The following SHTN1 variants were observed in gnomAD, a reference collection of about 807,000 sequenced individuals.
SHTN1 encodes the protein shootin 1.
SHTN1 carries 42 observed loss-of-function variants against 83.1 expected under a neutral mutation model. The observed-to-expected ratio is 0.51, with a 90% CI of 0.39 to 0.65. The LOEUF is 0.65. SHTN1 is among the 30% of genes least tolerant of loss of function. SHTN1 has a pLI of 0.00. For missense variants in SHTN1, 622 were observed against 737.8 expected, an observed-to-expected ratio of 0.84 and a Z score of 1.82; for synonymous variants, 224 against 247.7, an observed-to-expected ratio of 0.90 and a Z score of 0.90.
intron 9 of SHTN1, among the ~76,000 whole-genome samples, chr10:116,935,026 CT>C (rs1303691764): frequency 6.6e-6 from 1 of 152,178 alleles, no homozygotes; most frequent in African/African-American, 2.4e-5. Flanking sequence ...TATCCTGAGA[CT>C]TTGCTGAAGT....
chr10:117,051,050 C>T (rs911375428), intron 1 of SHTN1, among the ~76,000 whole-genome samples: 3 of 151,878 alleles, frequency 2.0e-5, no homozygotes, highest in Non-Finnish European at 4.4e-5. Context: ...GAGTGAGATC[C>T]TGTCTCAAAA....
upstream of SHTN1, among the ~76,000 whole-genome samples, chr10:117,008,242 T>C (rs976310595): frequency 1.3e-5 from 2 of 151,822 alleles, no homozygotes; most frequent in Non-Finnish European, 2.9e-5. Context: ...AGGACCAAGG[T>C]GTGGGGGTTG....
chr10:117,109,934 T>G (rs1025962160), intron 1 of SHTN1, among the ~76,000 whole-genome samples: 1 of 152,170 alleles, frequency 6.6e-6, no homozygotes, highest in Non-Finnish European at 1.5e-5. Flanking sequence ...ATCTTATAAT[T>G]ATCTGTCTCT....
chr10:117,052,282 C>A (rs1425530702), intron 1 of SHTN1, among the ~76,000 whole-genome samples: 4 of 151,024 alleles, frequency 2.6e-5, no homozygotes, highest in Non-Finnish European at 3.0e-5. Context: ...ATTTTAAAAC[C>A]TAAATAAATG....
At chr10:116,898,145 T>C (rs894069588) in intron 16 of SHTN1, among the ~76,000 whole-genome samples, 5 of 151,994 alleles carry the variant, frequency 3.3e-5, no homozygotes, top group Non-Finnish European at 5.9e-5. Context: ...CTGACCAACA[T>C]AGTGAAACCG....
chr10:117,088,492 T>C (rs985835773), intron 1 of SHTN1, among the ~76,000 whole-genome samples: 1 of 152,208 alleles, frequency 6.6e-6, no homozygotes, highest in African/African-American at 2.4e-5. Flanking sequence ...CATGAAAATA[T>C]CAGTGTGTCC....
chr10:117,126,432 T>A, exon 1 of SHTN1: 1 of 226,326 alleles, frequency 4.4e-6, no homozygotes, highest in Admixed American at 5.1e-5. Context: ...CCTGCCTCCT[T>A]TCTAGCCCTA....
At chr10:116,888,892 A>G (rs1847247308) in intron 16 of SHTN1, among the ~76,000 whole-genome samples, 1 of 152,196 alleles carries the variant, frequency 6.6e-6, no homozygotes. Context: ...AGGTGAGGAG[A>G]TTCTAGGAAA....
intron 2 of SHTN1, among the ~76,000 whole-genome samples, chr10:117,038,126 T>A (rs1852528817): frequency 6.6e-6 from 1 of 151,334 alleles, no homozygotes; most frequent in African/African-American, 2.4e-5. Context: ...TGAGCTTGGG[T>A]TTGGAGATGA....
intron 16 of SHTN1, among the ~76,000 whole-genome samples, chr10:116,893,579 C>CACACACACACACACACACAT (rs1287595303): frequency 6.6e-5 from 10 of 150,448 alleles, no homozygotes; most frequent in African/African-American, 1.5e-4. Context: ...CTCATGTGCA[C>CACACACACACACACACACAT]ACACACACAC....
chr10:117,038,462 A>T (rs1482071021), intron 2 of SHTN1, among the ~76,000 whole-genome samples: 1 of 152,004 alleles, frequency 6.6e-6, no homozygotes, highest in South Asian at 2.1e-4. Flanking sequence ...TAGATACAAA[A>T]CCAAAGGCAT....
At chr10:116,971,496 A>C (rs1462952419) in intron 2 of SHTN1, among the ~76,000 whole-genome samples, 1 of 152,148 alleles carries the variant, frequency 6.6e-6, no homozygotes, top group Non-Finnish European at 1.5e-5. Context: ...CCTTAATGAT[A>C]GGAGACTTCT....
At chr10:117,056,682 G>A (rs765973320) in intron 1 of SHTN1, among the ~76,000 whole-genome samples, 31 of 152,032 alleles carry the variant, frequency 2.0e-4, no homozygotes, top group African/African-American at 6.3e-4. Context: ...ATGGTGGTAC[G>A]TGCCTGTAGT....
Position 116,980,057 on chromosome 10 carries a change from T to C in SHTN1, c.59-749A>G, listed in dbSNP as rs1850960784. On this transcript the variant is annotated intron_variant, in intron 1 of 16. Coordinates refer to ENST00000355371, the MANE Select transcript of SHTN1 (RefSeq NM_001127211.3). ...AAAGTTGTGTACTTAAAATCGTTTATTGCCCCTGCCCAGAAAAAAAAAACG... is the reference window on the plus strand; with the variant it reads ...AAAGTTGTGTACTTAAAATCGTTTACTGCCCCTGCCCAGAAAAAAAAAACG... 2.0e-5 allele frequency among the ~76,000 whole-genome samples: 3 copies of C among 150,308 alleles called. No individual in the cohort carries two copies. The Admixed American group carries it at 2.0e-4, about 10-fold the overall frequency.
intron 6 of SHTN1, among the ~76,000 whole-genome samples, 162 bp from the exon 7 acceptor site, chr10:116,949,159 T>C (rs1849688756): frequency 6.6e-6 from 1 of 152,198 alleles, no homozygotes; most frequent in Admixed American, 6.5e-5. Context: ...AGCTCTTCTT[T>C]AAAGCTTCAA....
chr10:116,898,041 A>G (rs1847583193), intron 16 of SHTN1, among the ~76,000 whole-genome samples: 1 of 152,152 alleles, frequency 6.6e-6, no homozygotes, highest in South Asian at 2.1e-4. Flanking sequence ...AAAGTCTATA[A>G]TTTAGGCTGA....
intron 9 of SHTN1, among the ~76,000 whole-genome samples, chr10:116,937,438 T>C (rs1340993858): frequency 6.6e-6 from 1 of 152,176 alleles, no homozygotes; most frequent in Non-Finnish European, 1.5e-5. Flanking sequence ...TTTGGCTGGA[T>C]ATGAAATTCT....
At chr10:117,031,390 A>G (rs1410689679) in intron 2 of SHTN1, among the ~76,000 whole-genome samples, 1 of 152,238 alleles carries the variant, frequency 6.6e-6, no homozygotes, top group Non-Finnish European at 1.5e-5. Context: ...TATGTTAATG[A>G]GCAATAAGAA....
At chr10:116,990,432 T>C (rs1355884139) in intron 1 of SHTN1, among the ~76,000 whole-genome samples, 1 of 152,058 alleles carries the variant, frequency 6.6e-6, no homozygotes, top group Non-Finnish European at 1.5e-5. Context: ...GGGGCACGAA[T>C]TGTCAGATTT....
Sources: allele counts gnomAD v4.1 joint callset (sites outside exome capture counted in the v4.1 genomes callset), GRCh38; gene constraint gnomAD v4.1.1; transcripts MANE v1.5; gene names NCBI Gene and HGNC (gene_info 2026-07-23, HGNC 2026-07-21).